IGSF5: variants seen among roughly 807,000 people sequenced by gnomAD.
IGSF5 encodes immunoglobulin superfamily 5 like.
Under a neutral mutation model 39.4 loss-of-function variants are expected in IGSF5, and 41 were observed. The ratio of observed to expected loss-of-function variants is 1.04; its 90% CI spans 0.81 to 1.35. The LOEUF (loss-of-function observed/expected upper bound fraction) is 1.35, where lower values mean the gene tolerates loss of function less well. IGSF5 is among the 40% of genes most tolerant of loss of function. The pLI, the probability that IGSF5 is intolerant of heterozygous loss-of-function variation, is 0.00. For synonymous variants in IGSF5, 183 were observed against 175.3 expected, an observed-to-expected ratio of 1.04 and a Z score of -0.34; for missense variants, 487 against 494.6, an observed-to-expected ratio of 0.98 and a Z score of 0.15.
At chr21:39,763,237 G>A (rs1008574117) in intron 2 of IGSF5, among the ~76,000 whole-genome samples, 2 of 152,174 alleles carry the variant, frequency 1.3e-5, no homozygotes, top group Non-Finnish European at 2.9e-5. Flanking sequence ...CTGAAGAAAT[G>A]TTTGGTTGGC....
At chr21:39,778,680 A>G (rs1466942789) in intron 4 of IGSF5, among the ~76,000 whole-genome samples, 1 of 152,192 alleles carries the variant, frequency 6.6e-6, no homozygotes, top group African/African-American at 2.4e-5. Flanking sequence ...GGGGACATGG[A>G]AGGGAGAACA....
intron 2 of IGSF5, among the ~76,000 whole-genome samples, chr21:39,752,006 T>C (rs1345025674): frequency 6.6e-6 from 1 of 152,200 alleles, no homozygotes; most frequent in South Asian, 2.1e-4. Context: ...TATTTCTTTC[T>C]TCTTTTTTTC....
At chr21:39,800,274 TTC>T (rs1264106893) in intron 8 of IGSF5, among the ~76,000 whole-genome samples, 2 of 152,186 alleles carry the variant, frequency 1.3e-5, no homozygotes, top group African/African-American at 4.8e-5. Context: ...TTTTAGGAAA[TTC>T]TCTGTCTCTG....
intron 2 of IGSF5, among the ~76,000 whole-genome samples, chr21:39,756,586 G>T (rs2080031579): frequency 6.6e-6 from 1 of 151,840 alleles, no homozygotes; most frequent in Admixed American, 6.6e-5. Flanking sequence ...GTGTGTAGAT[G>T]CCAAAGCTGA....
At chr21:39,756,057 C>G (rs1471124014) in intron 2 of IGSF5, among the ~76,000 whole-genome samples, 1 of 152,154 alleles carries the variant, frequency 6.6e-6, no homozygotes, top group African/African-American at 2.4e-5. Flanking sequence ...TGCCATTGCA[C>G]TCCAGCCTGG....
intron 2 of IGSF5, 23 bp from the exon 3 acceptor site, chr21:39,765,512 T>C: frequency 6.2e-7 from 1 of 1,601,354 alleles, no homozygotes; most frequent in Non-Finnish European, 8.5e-7. Flanking sequence ...ATTTAACAAC[T>C]TGAAAAATTG....
At chr21:39,786,626 A>C (rs543118979) in intron 5 of IGSF5, among the ~76,000 whole-genome samples, 3 of 150,864 alleles carry the variant, frequency 2.0e-5, no homozygotes, top group South Asian at 2.1e-4. Flanking sequence ...CCAAAGGACT[A>C]TAAATCATGC....
chr21:39,752,410 A>C (rs2080010026), intron 2 of IGSF5, among the ~76,000 whole-genome samples: 1 of 151,952 alleles, frequency 6.6e-6, no homozygotes, highest in Non-Finnish European at 1.5e-5. Flanking sequence ...TTATCTACTC[A>C]TTGGCTGCTG....
At chr21:39,719,886 C>T in the IGSF5 span, among the ~76,000 whole-genome samples, 1 of 152,228 alleles carries the variant, frequency 6.6e-6, no homozygotes, top group Non-Finnish European at 1.5e-5. Flanking sequence ...CTGGGCCAAG[C>T]GTTATTCTCA....
intron 2 of IGSF5, among the ~76,000 whole-genome samples, chr21:39,765,039 C>A (rs1212674447): frequency 6.6e-6 from 1 of 152,162 alleles, no homozygotes; most frequent in African/African-American, 2.4e-5. Flanking sequence ...TGCTCCAATC[C>A]TTGCCATTCC....
chr21:39,748,611 G>A (rs1003985494), intron 2 of IGSF5, among the ~76,000 whole-genome samples: 3 of 152,042 alleles, frequency 2.0e-5, no homozygotes, highest in African/African-American at 7.2e-5. Flanking sequence ...CATCACGAGG[G>A]CTCCATTTTG....
At chr21:39,722,128 G>A in the IGSF5 span, among the ~76,000 whole-genome samples, 1 of 152,196 alleles carries the variant, frequency 6.6e-6, no homozygotes, top group East Asian at 1.9e-4. Context: ...ATATAGATCA[G>A]TTGTAAAGAT....
upstream of IGSF5, among the ~76,000 whole-genome samples, chr21:39,743,573 A>G (rs182785963): frequency 4.5e-4 from 66 of 148,310 alleles, no homozygotes; most frequent in Non-Finnish European, 8.3e-4. Context: ...CCCTTTGTCT[A>G]TCTCCTTTTG....
chr21:39,741,014 A>G (rs539864388), upstream of IGSF5, among the ~76,000 whole-genome samples: 4 of 152,158 alleles, frequency 2.6e-5, no homozygotes, highest in East Asian at 1.9e-4. Context: ...CACTACATCA[A>G]TTTCCTTACT....
chr21:39,718,396 G>T, the IGSF5 span, among the ~76,000 whole-genome samples: 2 of 152,176 alleles, frequency 1.3e-5, no homozygotes, highest in Non-Finnish European at 2.9e-5. Flanking sequence ...CTGAATGGAA[G>T]TGGTGAGAGA....
intron 6 of IGSF5, among the ~76,000 whole-genome samples, chr21:39,788,548 G>A (rs1216162055): frequency 6.6e-6 from 1 of 152,230 alleles, no homozygotes; most frequent in Non-Finnish European, 1.5e-5. Context: ...ACCGGCAGAG[G>A]TCCTGCTGGA....
At chr21:39,731,915 T>A in the IGSF5 span, among the ~76,000 whole-genome samples, 1 of 152,214 alleles carries the variant, frequency 6.6e-6, no homozygotes, top group Non-Finnish European at 1.5e-5. Flanking sequence ...AGAGTGACAC[T>A]GTGCCCAATT....
chr21:39,746,579 C>T (rs1163817661), intron 2 of IGSF5, among the ~76,000 whole-genome samples: 1 of 152,106 alleles, frequency 6.6e-6, no homozygotes, highest in Non-Finnish European at 1.5e-5. Context: ...AATAATTATT[C>T]TTACTAAAAC....
chr21:39,792,950 T>A (rs2086974088), intron 7 of IGSF5, among the ~76,000 whole-genome samples: 1 of 152,170 alleles, frequency 6.6e-6, no homozygotes, highest in African/African-American at 2.4e-5. Context: ...CAGTCCTTGC[T>A]GAGGGGCCTA....
Sources: gnomAD v4.1 joint callset for allele counts (sites outside exome capture counted in the v4.1 genomes callset) on GRCh38, gnomAD v4.1.1 for gene constraint, MANE v1.5 for transcripts, NCBI Gene and HGNC (gene_info 2026-07-23, HGNC 2026-07-21) for gene names.